CRAMP1: variants seen among roughly 807,000 people sequenced by gnomAD.
The protein encoded by CRAMP1 is cramped chromatin regulator 1, also known as protein cramped-like.
A neutral mutation model predicts 115.4 loss-of-function variants in CRAMP1; 50 were observed. The ratio of observed to expected loss-of-function variants is 0.43; its 90% CI spans 0.35 to 0.55. CRAMP1 has a LOEUF of 0.55. Among genes scored for constraint, CRAMP1 ranks in the 20% least tolerant of loss-of-function variants. The pLI is 0.01. For missense variants in CRAMP1, 1,679 were observed against 1,721.7 expected (o/e 0.98, Z 0.44); for synonymous variants, 866 against 745.4 (o/e 1.16, Z -2.64).
In CRAMP1 at chr16:1,671,895, G is replaced by A. The variant is rs566382337; in HGVS notation, c.3645+1086G>A. Among the ~76,000 whole-genome samples the A allele has an allele frequency of 2.2e-4, 34 of 152,340 alleles. No individual in the cohort carries two copies. Among genetic ancestry groups the A allele is most frequent in the African/African-American group, 8.2e-4 (34 of 41,568 alleles). ...GAAATTTTAGCCAAATATACACATA[G>A]ACACAATTAATAGCGTAGACCTCCA... On this transcript the variant is annotated intron_variant, in intron 20 of 20. Transcript: ENST00000397412. The surrounding 1 kb of genome is among the most constrained non-coding windows in gnomAD (Gnocchi z 5.0).
rs1376658973 is a variant in CRAMP1 at position 1,656,807 on chromosome 16, G to A, written c.2050G>A (p.Glu684Lys). 2.9e-5 allele frequency: 45 copies of A among 1,548,902 alleles called. No homozygotes were observed. The East Asian group carries it at 6.4e-4, about 22-fold the overall frequency. Residue 684 changes from glutamate (E) to lysine (K), a missense_variant, in exon 10 of 21, where the codon GAA (glutamate) becomes AAA (lysine). This residue lies in a region of CRAMP1 where 405 missense variants were observed against 302.6 expected (regional missense o/e 1.34). Transcript: ENST00000397412. The surrounding 1 kb of genome is among the most constrained non-coding windows in gnomAD (Gnocchi z 5.6). ...GGAGGGCTGGAACCTGCAGACCTCC[G>A]AAAGCCTCACGCTGGCCGAAGTCTA... ...REEGWNLQTS[E>K]SLTLAEVYLM...
chr16:1,632,171 G>A, intron 3 of CRAMP1, 41 bp from the exon 4 acceptor site: 1 of 1,541,784 alleles, frequency 6.5e-7, no homozygotes, highest in South Asian at 1.2e-5. Context: ...AAGCTGCATT[G>A]TTTTAACCCC....
At chr16:1,630,229 A>G (rs1028607157) in intron 3 of CRAMP1, among the ~76,000 whole-genome samples, 2 of 152,084 alleles carry the variant, frequency 1.3e-5, no homozygotes, top group Non-Finnish European at 2.9e-5. Flanking sequence ...GTTCACTACA[A>G]CCTTGACCTC....
chr16:1,627,262 C>T (rs538845151), intron 3 of CRAMP1, among the ~76,000 whole-genome samples: 2 of 152,172 alleles, frequency 1.3e-5, no homozygotes, highest in African/African-American at 2.4e-5. Flanking sequence ...TCTCGTGCCT[C>T]AGCCTCCTGA....
intron 3 of CRAMP1, among the ~76,000 whole-genome samples, chr16:1,631,878 T>A (rs1330213617): frequency 2.6e-5 from 4 of 152,258 alleles, no homozygotes. Context: ...CATGGAGGTG[T>A]CTCATTTCAT....
chr16:1,660,717 G>C (rs1349113052), intron 11 of CRAMP1, among the ~76,000 whole-genome samples: 3 of 152,228 alleles, frequency 2.0e-5, no homozygotes, highest in Non-Finnish European at 4.4e-5. Context: ...TAAAAATGGT[G>C]AGTTTTAGAC....
At chr16:1,649,905 T>C (rs1459965902) in intron 6 of CRAMP1, among the ~76,000 whole-genome samples, 1 of 151,304 alleles carries the variant, frequency 6.6e-6, no homozygotes, top group East Asian at 1.9e-4. Context: ...GTGATTCTCC[T>C]GTCTCAGTCT....
chr16:1,622,538 C>G (rs191071928), intron 2 of CRAMP1, among the ~76,000 whole-genome samples: 1 of 152,270 alleles, frequency 6.6e-6, no homozygotes, highest in Admixed American at 6.5e-5. Context: ...CACTCCAAGT[C>G]TAGAATAATG....
intron 4 of CRAMP1, among the ~76,000 whole-genome samples, chr16:1,632,745 G>A (rs111942836): frequency 6.6e-6 from 1 of 152,242 alleles, no homozygotes; most frequent in African/African-American, 2.4e-5. Context: ...CGTGCCTGGC[G>A]CTGGTCTTCC....
At position 1,652,568 on chromosome 16, in the gene CRAMP1, G is replaced by A. The variant is rs370501732; in HGVS notation, c.900G>A (p.Leu300=). 2.6e-6 allele frequency: 4 copies of A among 1,552,664 alleles called. No homozygotes were observed. Among genetic ancestry groups the A allele is most frequent in the Non-Finnish European group, 3.5e-6 (4 of 1,147,514 alleles). The change falls in exon 7 of 21, where the codon CTG becomes CTA. Residue 300 remains leucine (L), a synonymous_variant. Transcript: ENST00000397412. ...CCATGTGCCGGGCCCTGAAGAAGCTGTGCGATCCAGATGGTAAGTGAATGG... is the reference window on the plus strand; with the variant it reads ...CCATGTGCCGGGCCCTGAAGAAGCTATGCGATCCAGATGGTAAGTGAATGG... The part of the protein sequence containing the change: ...KAPMCRALKK[L]CDPDGLSDEE...
Position 1,656,313 on chromosome 16 carries a change from C to G in CRAMP1, c.1556C>G (p.Thr519Ser). The G allele has an allele frequency of 1.2e-6, 2 of 1,611,810 alleles. No homozygotes were observed. Among genetic ancestry groups the G allele is most frequent in the South Asian group, 1.1e-5 (1 of 90,856 alleles). ...AGGCCTCCTCCCAGGCACCAGGACA[C>G]TGGGCCATGTCTTGAGAAGACCCCT... is the stretch of plus-strand genomic sequence containing the variant. Reference protein sequence around the residue: ...PDRPPPRHQDTGPCLEKTPAE... With the variant: ...PDRPPPRHQDSGPCLEKTPAE... Residue 519 changes from threonine (T) to serine (S), a missense_variant, in exon 10 of 21, where the codon ACT becomes AGT. Transcript: ENST00000397412. This position sits in a 1 kb window ranked among gnomAD's most constrained non-coding sequence, Gnocchi z 5.6.
intron 5 of CRAMP1, among the ~76,000 whole-genome samples, chr16:1,638,463 G>A (rs539653244): frequency 9.8e-5 from 15 of 152,296 alleles, no homozygotes; most frequent in African/African-American, 3.1e-4. Flanking sequence ...ATTGCAACGC[G>A]CTCAGGCCTT....
intron 6 of CRAMP1, among the ~76,000 whole-genome samples, chr16:1,649,653 C>T (rs950057859): frequency 6.6e-6 from 1 of 151,856 alleles, no homozygotes; most frequent in Non-Finnish European, 1.5e-5. Flanking sequence ...CCACGCCTGG[C>T]TAATTTTTTA....
At position 1,666,394 on chromosome 16, in the gene CRAMP1, A is replaced by T. The variant is rs2036876218; in HGVS notation, c.2858-28A>T. The T allele has an allele frequency of 6.3e-7, 1 of 1,599,378 alleles. No homozygotes were observed. Among genetic ancestry groups the T allele is most frequent in the Non-Finnish European group, 8.5e-7 (1 of 1,171,860 alleles). On this transcript the variant is annotated intron_variant, in intron 15 of 20. Transcript: ENST00000397412. The surrounding 1 kb of genome is among the most constrained non-coding windows in gnomAD (Gnocchi z 5.0). ...ATCTTATGGGTTGTCAGTAGAGCAG[A>T]GATGTGCAGCGTCCTTTTTGTTGCC...
chr16:1,618,190 C>G (rs1229963854), intron 2 of CRAMP1, among the ~76,000 whole-genome samples: 1 of 152,166 alleles, frequency 6.6e-6, no homozygotes, highest in African/African-American at 2.4e-5. Flanking sequence ...ACACCTGCCT[C>G]AGAATCGCTT....
In CRAMP1 at chr16:1,625,962, T is replaced by C. The variant is rs1291836028; in HGVS notation, c.347-11T>C. Reference sequence around the variant, plus strand: ...CTGGAACAGATCACTGTACGGTGCTTTCTCTCCAAGGAGCTGAAGGTGGTG... The same window carrying C: ...CTGGAACAGATCACTGTACGGTGCTCTCTCTCCAAGGAGCTGAAGGTGGTG... On this transcript the variant is annotated splice_polypyrimidine_tract_variant and intron_variant, in intron 2 of 20. Transcript: ENST00000397412. The C allele has an allele frequency of 5.2e-6, 8 of 1,551,322 alleles. No homozygotes were observed. The highest frequency in any genetic ancestry group is 4.1e-5 in the African/African-American group (3 of 73,046).
In CRAMP1 at chr16:1,661,806, C is replaced by G. The variant is rs533959026; in HGVS notation, c.2414-684C>G. Among the ~76,000 whole-genome samples, 8 of 152,254 alleles carry G rather than the reference C, an allele frequency of 5.3e-5. No homozygotes were observed. In the South Asian group the frequency reaches 1.5e-3, roughly 28 times the overall value. On this transcript the variant is annotated intron_variant, in intron 11 of 20. Coordinates refer to ENST00000397412, the MANE Select transcript of CRAMP1 (RefSeq NM_020825.4). ...ACAGGGTTTCGCTATGTTGGCCAGGCTGGCCTACCATGAATTCACAGGGTG... is the reference window on the plus strand; with the variant it reads ...ACAGGGTTTCGCTATGTTGGCCAGGGTGGCCTACCATGAATTCACAGGGTG...
At chr16:1,617,887 A>G (rs181109727) in intron 2 of CRAMP1, among the ~76,000 whole-genome samples, 53 of 152,352 alleles carry the variant, frequency 3.5e-4, no homozygotes, top group African/African-American at 1.2e-3. Flanking sequence ...GGCATCTTGC[A>G]TGTCTGTAAT....
rs1039627061 is a variant in CRAMP1 at position 1,669,579 on chromosome 16, A to T, written c.3499+414A>T. 2.6e-5 allele frequency among the ~76,000 whole-genome samples: 4 copies of T among 152,170 alleles called. No homozygotes were observed. The highest frequency in any genetic ancestry group is 4.4e-5 in the Non-Finnish European group (3 of 68,020). ...TCTTTCTGTGGTCAGTAAGGTATTC[A>T]GAAGTGGATGGTCCAGCTGCCACCT... is the stretch of plus-strand genomic sequence containing the variant. On this transcript the variant is annotated intron_variant, in intron 19 of 20. Coordinates refer to ENST00000397412, the MANE Select transcript of CRAMP1 (RefSeq NM_020825.4). The surrounding 1 kb of genome is among the most constrained non-coding windows in gnomAD (Gnocchi z 4.6).
Sources: allele counts gnomAD v4.1 joint callset (sites outside exome capture counted in the v4.1 genomes callset), GRCh38; gene constraint gnomAD v4.1.1; regional missense constraint gnomAD v4.1.1; non-coding constraint Gnocchi (gnomAD v3.1); transcripts MANE v1.5; gene names NCBI Gene and HGNC (gene_info 2026-07-23, HGNC 2026-07-21).